DRC11: variants seen among roughly 807,000 people sequenced by gnomAD.
DRC11 encodes the protein dynein regulatory complex subunit 11.
At chr2:236,472,270 A>AACAAC in the DRC11 span, among the ~76,000 whole-genome samples, 63 of 152,302 alleles carry the variant, frequency 4.1e-4, no homozygotes, top group African/African-American at 1.5e-3. The surrounding 1 kb of genome is among the most constrained non-coding windows in gnomAD (Gnocchi z 4.6). Context: ...TTGCTGGTGC[A>AACAAC]ACAACACAAG....
the DRC11 span, chr2:236,346,756 C>T: frequency 5.9e-6 from 1 of 168,518 alleles, no homozygotes; most frequent in Non-Finnish European, 1.5e-5. Context: ...AATCATTGGT[C>T]ACAGCCAGCA....
chr2:236,355,800 G>T, the DRC11 span, among the ~76,000 whole-genome samples: 26 of 151,914 alleles, frequency 1.7e-4, no homozygotes, highest in African/African-American at 2.4e-5. Context: ...CAATGTCTTT[G>T]TCTGGGTTAT....
chr2:236,489,763 A>T, the DRC11 span, among the ~76,000 whole-genome samples: 1 of 152,128 alleles, frequency 6.6e-6, no homozygotes, highest in Non-Finnish European at 1.5e-5. Flanking sequence ...TCTCTAAAAA[A>T]ATTTTTTTTA....
chr2:236,500,319 C>T, the DRC11 span, among the ~76,000 whole-genome samples: 6,204 of 152,194 alleles, frequency 0.041, 399 homozygotes, highest in African/African-American at 0.14. The surrounding 1 kb of genome is among the most constrained non-coding windows in gnomAD (Gnocchi z 6.3). Flanking sequence ...GTAGGCAGTC[C>T]GGCTCCAGAG....
chr2:236,477,050 A>C, the DRC11 span, among the ~76,000 whole-genome samples: 8 of 151,862 alleles, frequency 5.3e-5, no homozygotes, highest in Admixed American at 1.3e-4. Flanking sequence ...TTCACTGGGG[A>C]TGTTGGCCGG....
At chr2:236,464,372 G>A in the DRC11 span, among the ~76,000 whole-genome samples, 2 of 152,236 alleles carry the variant, frequency 1.3e-5, no homozygotes, top group East Asian at 3.9e-4. Flanking sequence ...GAAAACAGAT[G>A]GGCAAGCTTG....
chr2:236,436,196 T>C, the DRC11 span, among the ~76,000 whole-genome samples: 1 of 152,240 alleles, frequency 6.6e-6, no homozygotes, highest in African/African-American at 2.4e-5. Context: ...TTATATTCTT[T>C]GCTTTTTTAT....
chr2:236,347,663 C>T, the DRC11 span, among the ~76,000 whole-genome samples: 4 of 151,474 alleles, frequency 2.6e-5, no homozygotes, highest in Admixed American at 2.6e-4. Flanking sequence ...CACTAGGACG[C>T]GAAGGCATAA....
the DRC11 span, among the ~76,000 whole-genome samples, chr2:236,311,216 C>T: frequency 6.6e-6 from 1 of 152,208 alleles, no homozygotes; most frequent in Non-Finnish European, 1.5e-5. This position sits in a 1 kb window ranked among gnomAD's most constrained non-coding sequence, Gnocchi z 6.9. Flanking sequence ...CCCCACCCTT[C>T]TGAGCCCCAT....
At chr2:236,315,147 C>G in the DRC11 span, among the ~76,000 whole-genome samples, 1 of 152,160 alleles carries the variant, frequency 6.6e-6, no homozygotes, top group Admixed American at 6.5e-5. The surrounding 1 kb of genome is among the most constrained non-coding windows in gnomAD (Gnocchi z 5.1). Flanking sequence ...TACATAAACA[C>G]TTGTTTTCAT....
chr2:236,424,778 A>T, the DRC11 span, among the ~76,000 whole-genome samples: 1 of 151,732 alleles, frequency 6.6e-6, no homozygotes, highest in East Asian at 1.9e-4. Flanking sequence ...TCTAATGGAA[A>T]CTCTGTACCC....
chr2:236,467,625 A>C, the DRC11 span, among the ~76,000 whole-genome samples: 1 of 152,182 alleles, frequency 6.6e-6, no homozygotes, highest in African/African-American at 2.4e-5. Flanking sequence ...ACCAATAGCT[A>C]AGTGGGTGAA....
chr2:236,357,306 TA>T, the DRC11 span, among the ~76,000 whole-genome samples: 1 of 120,090 alleles, frequency 8.3e-6, no homozygotes, highest in African/African-American at 3.5e-5. Flanking sequence ...TATATTCATA[TA>T]GATCTATATA....
chr2:236,382,324 T>C, the DRC11 span, among the ~76,000 whole-genome samples: 5 of 152,240 alleles, frequency 3.3e-5, no homozygotes, highest in East Asian at 1.9e-4. Context: ...TCTTTACCAA[T>C]AGCATACAGT....
chr2:236,387,721 A>G, the DRC11 span, among the ~76,000 whole-genome samples: 13 of 150,228 alleles, frequency 8.7e-5, no homozygotes, highest in African/African-American at 1.5e-4. Flanking sequence ...TTAGCTGGTT[A>G]TTTTGCTCGT....
the DRC11 span, among the ~76,000 whole-genome samples, chr2:236,357,119 A>ATATATTCGTATATTATATATCTATATT: frequency 9.2e-6 from 1 of 108,290 alleles, no homozygotes; most frequent in African/African-American, 5.3e-5. Flanking sequence ...ATATCTATAT[A>ATATATTCGTATATTATATATCTATATT]TTATATATTC....
At chr2:236,353,542 G>C in the DRC11 span, among the ~76,000 whole-genome samples, 1 of 152,126 alleles carries the variant, frequency 6.6e-6, no homozygotes, top group Non-Finnish European at 1.5e-5. The surrounding 1 kb of genome is among the most constrained non-coding windows in gnomAD (Gnocchi z 5.0). Flanking sequence ...GGACGTTTTG[G>C]AGGTTCTCTC....
the DRC11 span, chr2:236,344,718 C>A: frequency 5.7e-6 from 6 of 1,060,062 alleles, no homozygotes; most frequent in Non-Finnish European, 8.4e-6. Flanking sequence ...GTTGTAAATG[C>A]GCTTCCTTCT....
At chr2:236,371,543 T>C in the DRC11 span, among the ~76,000 whole-genome samples, 1 of 152,118 alleles carries the variant, frequency 6.6e-6, no homozygotes, top group African/African-American at 2.4e-5. The surrounding 1 kb of genome is among the most constrained non-coding windows in gnomAD (Gnocchi z 5.1). Context: ...AGGTAGGAAG[T>C]CTGCAATGCC....
Sources: allele counts gnomAD v4.1 joint callset (sites outside exome capture counted in the v4.1 genomes callset), GRCh38; gene constraint gnomAD v4.1.1; non-coding constraint Gnocchi (gnomAD v3.1); transcripts MANE v1.5; gene names NCBI Gene and HGNC (gene_info 2026-07-23, HGNC 2026-07-21).